EXT2: variants seen among roughly 807,000 people sequenced by gnomAD.
EXT2 encodes exostosin-2.
EXT2 carries 53 observed loss-of-function variants against 81.6 expected under a neutral mutation model. That is an observed-to-expected ratio of 0.65 (90% confidence interval 0.52 to 0.82). EXT2 has a LOEUF of 0.82. Among genes scored for constraint, EXT2 ranks in the 40% least tolerant of loss-of-function variants. The pLI, the probability that EXT2 is intolerant of heterozygous loss-of-function variation, is 0.00. For synonymous variants in EXT2, 320 were observed against 340.0 expected (o/e 0.94, Z 0.65); for missense variants, 774 against 910.2 (o/e 0.85, Z 1.93).
At chr11:44,198,609 A>G (rs1204122278) in intron 9 of EXT2, among the ~76,000 whole-genome samples, 1 of 152,192 alleles carries the variant, frequency 6.6e-6, no homozygotes, top group Non-Finnish European at 1.5e-5. Context: ...TTCGGGACGC[A>G]CAGAGTATGT....
At chr11:44,184,800 G>A (rs2135156194) in intron 8 of EXT2, among the ~76,000 whole-genome samples, 2 of 152,246 alleles carry the variant, frequency 1.3e-5, no homozygotes, top group South Asian at 4.1e-4. Flanking sequence ...TGAAGCATTT[G>A]ATTATTAGAC....
chr11:44,126,696 T>G (rs1954409584), intron 5 of EXT2, 120 bp from the exon 6 acceptor site: 1 of 1,260,326 alleles, frequency 7.9e-7, no homozygotes, highest in Non-Finnish European at 1.2e-6. Context: ...CATTTTTGTG[T>G]CAAGATGCCT....
At chr11:44,179,054 T>C (rs1345605079) in intron 8 of EXT2, among the ~76,000 whole-genome samples, 7 of 152,068 alleles carry the variant, frequency 4.6e-5, no homozygotes, top group Non-Finnish European at 7.4e-5. Context: ...GATGGAGAGA[T>C]GCAGAAAGAC....
chr11:44,202,496 G>A (rs1243592821), intron 9 of EXT2, among the ~76,000 whole-genome samples: 1 of 152,174 alleles, frequency 6.6e-6, no homozygotes, highest in Non-Finnish European at 1.5e-5. Context: ...AGAGTTTAGA[G>A]GATTCATGGC....
chr11:44,122,039 C>G, intron 4 of EXT2, among the ~76,000 whole-genome samples: 1 of 152,156 alleles, frequency 6.6e-6, no homozygotes, highest in South Asian at 2.1e-4. Flanking sequence ...TGGACATCCT[C>G]TTTACTCCTC....
At chr11:44,107,163 AT>A (rs1270167980) in intron 1 of EXT2, among the ~76,000 whole-genome samples, 47 of 151,694 alleles carry the variant, frequency 3.1e-4, no homozygotes, top group African/African-American at 1.1e-3. Context: ...TATGTTAAAT[AT>A]ATGCAGTATT....
intron 1 of EXT2, among the ~76,000 whole-genome samples, chr11:44,102,290 G>A (rs1373092644): frequency 6.6e-6 from 1 of 152,126 alleles, no homozygotes; most frequent in African/African-American, 2.4e-5. Context: ...TAGTGGATAG[G>A]TGTTGCAGAC....
At chr11:44,144,393 G>A in intron 7 of EXT2, 1 of 1,444,356 alleles carries the variant, frequency 6.9e-7, no homozygotes, top group Non-Finnish European at 9.6e-7. Context: ...TAGTCTCTTT[G>A]CTGAGAAGGC....
intron 8 of EXT2, among the ~76,000 whole-genome samples, chr11:44,172,829 C>T (rs1355604320): frequency 6.6e-6 from 1 of 152,144 alleles, no homozygotes; most frequent in African/African-American, 2.4e-5. Flanking sequence ...CTGCCTTGTC[C>T]TCCCAAAGTG....
chr11:44,168,068 G>A (rs1001185021), intron 7 of EXT2, among the ~76,000 whole-genome samples: 8 of 150,946 alleles, frequency 5.3e-5, no homozygotes, highest in African/African-American at 9.8e-5. Context: ...GAGAATATGC[G>A]GTGTTTGGTT....
intron 7 of EXT2, among the ~76,000 whole-genome samples, chr11:44,152,413 T>G (rs1421572400): frequency 6.6e-6 from 1 of 152,112 alleles, no homozygotes; most frequent in African/African-American, 2.4e-5. Flanking sequence ...TGCAGTGGTG[T>G]GTTCTCAGCT....
At chr11:44,172,175 C>T (rs1342982298) in intron 8 of EXT2, among the ~76,000 whole-genome samples, 2 of 152,212 alleles carry the variant, frequency 1.3e-5, no homozygotes, top group East Asian at 3.8e-4. Context: ...ATATTTCCAA[C>T]ACTCTGTGAG....
At chr11:44,136,932 A>G (rs1166343209) in intron 7 of EXT2, among the ~76,000 whole-genome samples, 1 of 151,946 alleles carries the variant, frequency 6.6e-6, no homozygotes, top group African/African-American at 2.4e-5. Flanking sequence ...CCAATGGGAG[A>G]GCCTTGGTAA....
At chr11:44,152,477 A>G (rs1185306444) in intron 7 of EXT2, among the ~76,000 whole-genome samples, 3 of 152,074 alleles carry the variant, frequency 2.0e-5, no homozygotes, top group African/African-American at 7.2e-5. Flanking sequence ...CAGCTTCCCA[A>G]GTAGCTGGGA....
chr11:44,099,252 C>T (rs1953948346), intron 1 of EXT2, among the ~76,000 whole-genome samples: 1 of 152,158 alleles, frequency 6.6e-6, no homozygotes, highest in Non-Finnish European at 1.5e-5. Flanking sequence ...GTGGCGCGAT[C>T]TCGGTTCACT....
rs11421737 is a variant in EXT2 at position 44,247,243 on chromosome 11, C to CTTTTTTTTT, written c.*2968_*2976dup. 8.7e-6 allele frequency among the ~76,000 whole-genome samples: 1 copy of CTTTTTTTTT among 115,182 alleles called. No individual in the cohort carries two copies. The highest frequency in any genetic ancestry group is 1.7e-5 in the Non-Finnish European group (1 of 57,704). 75.6% of individuals were successfully genotyped at this position (115,182 alleles called of 152,430 possible). On this transcript the variant is annotated 3_prime_UTR_variant, in exon 14 of 14. Coordinates refer to ENST00000533608, the MANE Select transcript of EXT2 (RefSeq NM_207122.2). ...CCTGCCAGTGATGCTCTGCTGTATC[C>CTTTTTTTTT]TTTTTTTTTTTTTTTTTTTTGAGAC...
chr11:44,208,107 G>T (rs1955605368), intron 10 of EXT2, among the ~76,000 whole-genome samples: 1 of 152,076 alleles, frequency 6.6e-6, no homozygotes, highest in South Asian at 2.1e-4. Flanking sequence ...ACAGTGTCTA[G>T]GGTGTTGGAT....
rs78205521 is a variant in EXT2 at position 44,187,651 on chromosome 11, G to A, written c.1306-10178G>A. On this transcript the variant is annotated intron_variant, in intron 8 of 13. Transcript: ENST00000533608. ...ATGGAAACATAAATTTTAGAATTGG[G>A]TGGGACTCTGGAGAGGAAAATTAAA... Among the ~76,000 whole-genome samples, 717 of 152,262 alleles carry A rather than the reference G, an allele frequency of 4.7e-3. 5 individuals carry two copies. Among genetic ancestry groups the A allele is most frequent in the East Asian group, 0.03 (157 of 5,178 alleles).
chr11:44,127,330 G>A (rs1460435854), intron 6 of EXT2, among the ~76,000 whole-genome samples: 2 of 152,212 alleles, frequency 1.3e-5, no homozygotes, highest in Non-Finnish European at 2.9e-5. Flanking sequence ...GCTGTGGCCT[G>A]TTTGGAGCCG....
Sources: gnomAD v4.1 joint callset for allele counts (sites outside exome capture counted in the v4.1 genomes callset) on GRCh38, gnomAD v4.1.1 for gene constraint, MANE v1.5 for transcripts, NCBI Gene and HGNC (gene_info 2026-07-23, HGNC 2026-07-21) for gene names.